The following FSTL5 variants were observed in gnomAD, a reference collection of about 807,000 sequenced individuals.
The protein encoded by FSTL5 is follistatin like 5, also known as follistatin-related protein 5.
A neutral mutation model predicts 89.1 loss-of-function variants in FSTL5; 62 were observed. The observed-to-expected ratio is 0.70, with a 90% CI of 0.57 to 0.86. FSTL5 has a LOEUF of 0.86. FSTL5 is among the 40% of genes least tolerant of loss of function. The probability of loss-of-function intolerance (pLI) is 0.00; values close to 1 mark genes in which losing one functional copy is unlikely to be tolerated. For missense variants in FSTL5, 1,057 were observed against 1,001.6 expected, an observed-to-expected ratio of 1.06 and a Z score of -0.75; for synonymous variants, 383 against 346.2, an observed-to-expected ratio of 1.11 and a Z score of -1.18.
At chr4:162,047,179 G>A (rs1738214124) in intron 2 of FSTL5, among the ~76,000 whole-genome samples, 1 of 152,056 alleles carries the variant, frequency 6.6e-6, no homozygotes, top group Non-Finnish European at 1.5e-5. Flanking sequence ...CAATAGCATG[G>A]AGTCTCAGTA....
intron 13 of FSTL5, among the ~76,000 whole-genome samples, chr4:161,473,288 A>G (rs185785613): frequency 6.6e-6 from 1 of 152,196 alleles, no homozygotes; most frequent in East Asian, 1.9e-4. Context: ...CTATTTCTCA[A>G]TTCTGTCAGC....
At position 161,385,311 on chromosome 4, in the gene FSTL5, C is replaced by T. The variant is rs1197895471; in HGVS notation, c.*436G>A. 2 of 160,822 alleles carry T rather than the reference C, an allele frequency of 1.2e-5. No individual in the cohort carries two copies. Among genetic ancestry groups the T allele is most frequent in the African/African-American group, 4.8e-5 (2 of 41,376 alleles). The allele number at this position is 160,822 out of a possible 1,614,324, so 10.0% of individuals were successfully genotyped here. ...AAATATTATAAACAGTGGACAGGAC[C>T]GAATATTTTGAATTAAGAATTTTAA... On this transcript the variant is annotated 3_prime_UTR_variant, in exon 16 of 16. Transcript: ENST00000306100.
chr4:161,456,601 A>T (rs1484176455), intron 14 of FSTL5, among the ~76,000 whole-genome samples: 1 of 152,194 alleles, frequency 6.6e-6, no homozygotes, highest in East Asian at 1.9e-4. Flanking sequence ...GGGCTTGCCC[A>T]TATTTTTGGT....
At chr4:162,154,008 G>C (rs958731176) in intron 1 of FSTL5, among the ~76,000 whole-genome samples, 1 of 151,138 alleles carries the variant, frequency 6.6e-6, no homozygotes, top group African/African-American at 2.4e-5. Flanking sequence ...GGTTTCACTA[G>C]GTTGGCCAGG....
intron 1 of FSTL5, among the ~76,000 whole-genome samples, chr4:162,160,298 G>A (rs1733645321): frequency 6.6e-6 from 1 of 151,634 alleles, no homozygotes; most frequent in South Asian, 2.1e-4. Flanking sequence ...TAAAACACAG[G>A]GGGACTAATT....
chr4:161,683,102 A>T (rs1737584404), intron 6 of FSTL5, among the ~76,000 whole-genome samples: 1 of 152,208 alleles, frequency 6.6e-6, no homozygotes, highest in African/African-American at 2.4e-5. Flanking sequence ...TGAAAAGTAT[A>T]GTAAATACAC....
chr4:161,835,826 A>T (rs887622041), intron 4 of FSTL5, among the ~76,000 whole-genome samples: 26 of 151,790 alleles, frequency 1.7e-4, no homozygotes, highest in Non-Finnish European at 3.7e-4. Flanking sequence ...GAGGATGTGG[A>T]GAAATAGGAA....
At chr4:161,733,445 T>C (rs1739684672) in intron 6 of FSTL5, among the ~76,000 whole-genome samples, 1 of 152,016 alleles carries the variant, frequency 6.6e-6, no homozygotes, top group African/African-American at 2.4e-5. Context: ...CAAAAACATT[T>C]TTGCTTAATT....
At chr4:161,852,371 G>A (rs1731580904) in intron 4 of FSTL5, among the ~76,000 whole-genome samples, 1 of 152,096 alleles carries the variant, frequency 6.6e-6, no homozygotes, top group Non-Finnish European at 1.5e-5. Flanking sequence ...TAAACAAGGT[G>A]AAATTAAGAA....
At chr4:161,957,761 C>T (rs901338246) in intron 3 of FSTL5, among the ~76,000 whole-genome samples, 1 of 152,040 alleles carries the variant, frequency 6.6e-6, no homozygotes, top group African/African-American at 2.4e-5. Flanking sequence ...ACTACACATA[C>T]TTAAAGTATA....
At chr4:161,799,814 A>G (rs1236785552) in intron 4 of FSTL5, among the ~76,000 whole-genome samples, 2 of 151,726 alleles carry the variant, frequency 1.3e-5, no homozygotes, top group East Asian at 3.9e-4. Flanking sequence ...TTGGGTTATG[A>G]AATCAGGCAG....
rs192496976 is a variant in FSTL5 at position 161,620,400 on chromosome 4, A to C, written c.895-32825T>G. Among the ~76,000 whole-genome samples, 266 of 152,312 alleles carry C rather than the reference A, an allele frequency of 1.7e-3. 4 individuals carry two copies. Among genetic ancestry groups the C allele is most frequent in the Middle Eastern group, 3.4e-3 (1 of 294 alleles). On this transcript the variant is annotated intron_variant, in intron 7 of 15. Transcript: ENST00000306100. ...CCAGGAGCAGTGGCTTACATCTGTA[A>C]TCCCAGTGCTTTGGGAGGCCAAGAT...
chr4:161,395,853 T>A (rs1730977568), intron 15 of FSTL5, among the ~76,000 whole-genome samples: 1 of 152,048 alleles, frequency 6.6e-6, no homozygotes, highest in African/African-American at 2.4e-5. Flanking sequence ...AGGACAAATA[T>A]AAAGCTACCT....
At chr4:161,565,778 CACACAT>C (rs763690703) in intron 8 of FSTL5, among the ~76,000 whole-genome samples, 20 of 149,336 alleles carry the variant, frequency 1.3e-4, no homozygotes, top group African/African-American at 5.0e-5. Context: ...CACACACACA[CACACAT>C]ATATATGATA....
chr4:161,813,969 T>C (rs1029566770), intron 4 of FSTL5, among the ~76,000 whole-genome samples: 1 of 151,718 alleles, frequency 6.6e-6, no homozygotes, highest in African/African-American at 2.4e-5. Context: ...TTCTGTGTAA[T>C]GAAGAGTTAA....
rs185921681 is a variant in FSTL5 at position 161,523,093 on chromosome 4, T to C, written c.1313-12669A>G. ...TGGATCCACTAAAATTTCACTTTTA[T>C]AAACGTCTCTAATAGAGTTAATTTC... On this transcript the variant is annotated intron_variant, in intron 10 of 15. Coordinates refer to ENST00000306100, the MANE Select transcript of FSTL5 (RefSeq NM_020116.5). Among the ~76,000 whole-genome samples the C allele has an allele frequency of 4.0e-3, 611 of 152,294 alleles. 5 individuals are homozygous for C. Among genetic ancestry groups the C allele is most frequent in the African/African-American group, 0.014 (592 of 41,570 alleles).
chr4:162,103,924 T>C (rs1461070406), intron 2 of FSTL5, among the ~76,000 whole-genome samples: 2 of 152,218 alleles, frequency 1.3e-5, no homozygotes, highest in African/African-American at 4.8e-5. Flanking sequence ...GATCGGGATA[T>C]AAACCCAGGC....
intron 1 of FSTL5, among the ~76,000 whole-genome samples, chr4:162,123,962 C>T (rs1731970010): frequency 6.6e-6 from 1 of 151,790 alleles, no homozygotes; most frequent in Non-Finnish European, 1.5e-5. Flanking sequence ...ATAATGTGTT[C>T]CAGGCACAGT....
At position 161,633,555 on chromosome 4, in the gene FSTL5, C is replaced by T. The variant is rs374194131; in HGVS notation, c.894+22773G>A. Among the ~76,000 whole-genome samples the T allele has an allele frequency of 1.5e-4, 23 of 152,082 alleles. No homozygotes were observed. The East Asian group carries it at 2.5e-3, about 17-fold the overall frequency. ...AGAAACAGGGTTTCACCATGTTGGC[C>T]AGGATGGTCTCGATCTCTTGACCTC... On this transcript the variant is annotated intron_variant, in intron 7 of 15. Transcript: ENST00000306100.
Sources: gnomAD v4.1 joint callset for allele counts (sites outside exome capture counted in the v4.1 genomes callset) on GRCh38, gnomAD v4.1.1 for gene constraint, MANE v1.5 for transcripts, NCBI Gene and HGNC (gene_info 2026-07-23, HGNC 2026-07-21) for gene names.